The following POU6F2 variants were observed in gnomAD, a reference collection of about 807,000 sequenced individuals.
POU6F2 encodes POU class 6 homeobox 2, also known as POU domain, class 6, transcription factor 2.
In POU6F2, 31 loss-of-function variants were observed where a neutral mutation model predicts 71.3. That is an observed-to-expected ratio of 0.43 (90% CI 0.33 to 0.59). The LOEUF (loss-of-function observed/expected upper bound fraction) is 0.59, where lower values mean the gene tolerates loss of function less well. Among genes scored for constraint, POU6F2 ranks in the 20% least tolerant of loss-of-function variants. POU6F2 has a pLI of 0.04. For missense variants in POU6F2, 783 were observed against 856.8 expected (o/e 0.91, Z 1.07); for synonymous variants, 347 against 355.7 (o/e 0.98, Z 0.27).
intron 2 of POU6F2, among the ~76,000 whole-genome samples, chr7:39,147,670 G>A (rs1259364625): frequency 6.6e-6 from 1 of 152,068 alleles, no homozygotes; most frequent in Non-Finnish European, 1.5e-5. Context: ...TCTTCACATG[G>A]CAACTTAGAG....
chr7:39,271,228 G>A (rs920628927), intron 4 of POU6F2, among the ~76,000 whole-genome samples: 1 of 152,158 alleles, frequency 6.6e-6, no homozygotes, highest in Non-Finnish European at 1.5e-5. Context: ...TCACATTTCG[G>A]TGTCCTTGGA....
chr7:39,020,416 G>A (rs1789657204), intron 1 of POU6F2, among the ~76,000 whole-genome samples: 1 of 152,090 alleles, frequency 6.6e-6, no homozygotes, highest in East Asian at 1.9e-4. Flanking sequence ...AGTTCATGCA[G>A]AAGTATTTAT....
intron 4 of POU6F2, among the ~76,000 whole-genome samples, chr7:39,250,869 T>TA (rs1218429748): frequency 3.3e-5 from 5 of 152,202 alleles, no homozygotes; most frequent in African/African-American, 9.7e-5. Flanking sequence ...TTCTTTTCAG[T>TA]AAAAAATCAC....
chr7:38,977,926 G>A lies in POU6F2; in HGVS notation c.-28G>A, dbSNP rs1788222694. 1 of 152,310 alleles carries A rather than the reference G, an allele frequency of 6.6e-6. No individual in the cohort carries two copies. The highest frequency in any genetic ancestry group is 1.5e-5 in the Non-Finnish European group (1 of 68,084). The allele number at this position is 152,310 out of a possible 1,614,324, so 9.4% of individuals were successfully genotyped here. ...TTTTTTTCCCCTTGCTTTTGGTGAT[G>A]GTTGTGAGTGCAGAAGTTGATTGAC... On this transcript the variant is annotated 5_prime_UTR_variant, in exon 1 of 10. An upstream start codon of the reference 5' UTR is lost. Transcript: ENST00000518318.
At chr7:39,015,868 T>A (rs1273464717) in intron 1 of POU6F2, among the ~76,000 whole-genome samples, 20 of 66,290 alleles carry the variant, frequency 3.0e-4, no homozygotes, top group African/African-American at 1.2e-3. Context: ...TATAATATAT[T>A]ATATATAGAT....
At chr7:38,980,894 C>T (rs888949269) in intron 1 of POU6F2, among the ~76,000 whole-genome samples, 34 of 152,124 alleles carry the variant, frequency 2.2e-4, no homozygotes, top group Admixed American at 1.7e-3. Context: ...CTGTTTCTGG[C>T]CATGATCCAG....
chr7:39,337,974 A>G (rs1785815373), intron 4 of POU6F2, among the ~76,000 whole-genome samples: 1 of 152,246 alleles, frequency 6.6e-6, no homozygotes, highest in Non-Finnish European at 1.5e-5. Flanking sequence ...TCTATCTGCC[A>G]ATATTCCCAG....
chr7:39,220,048 G>A (rs772888790), intron 4 of POU6F2, among the ~76,000 whole-genome samples: 3 of 152,210 alleles, frequency 2.0e-5, no homozygotes, highest in Non-Finnish European at 4.4e-5. Flanking sequence ...TGATTGATTT[G>A]TTTTGACAGC....
At position 38,985,797 on chromosome 7, in the gene POU6F2, C is replaced by G. The variant is rs576128206; in HGVS notation, c.105+7739C>G. Among the ~76,000 whole-genome samples, 166 of 152,162 alleles carry G rather than the reference C, an allele frequency of 1.1e-3. 4 individuals carry two copies. Among genetic ancestry groups the G allele is most frequent in the Non-Finnish European group, 4.9e-4 (33 of 67,982 alleles). ...TGCATTTCTTGGTGTATTTCTAGAA[C>G]TGCTAATACAAGAGGTGTTTGTAGT... On this transcript the variant is annotated intron_variant, in intron 1 of 9. Transcript: ENST00000518318.
At chr7:39,283,672 TG>T (rs981780235) in intron 4 of POU6F2, among the ~76,000 whole-genome samples, 9 of 152,366 alleles carry the variant, frequency 5.9e-5, no homozygotes, top group Admixed American at 2.0e-4. Context: ...CATCTGCTGA[TG>T]AACACTTGGG....
chr7:39,397,581 C>T (rs1344620463), intron 5 of POU6F2, among the ~76,000 whole-genome samples: 3 of 148,810 alleles, frequency 2.0e-5, no homozygotes, highest in Non-Finnish European at 4.4e-5. Context: ...CAACCTTCGC[C>T]TCCCGGGCTC....
chr7:39,171,648 T>A (rs1327962878), intron 2 of POU6F2, among the ~76,000 whole-genome samples: 1 of 152,210 alleles, frequency 6.6e-6, no homozygotes, highest in Non-Finnish European at 1.5e-5. Flanking sequence ...CCTGATAGAC[T>A]TGTGCAAGAA....
intron 2 of POU6F2, among the ~76,000 whole-genome samples, chr7:39,113,126 C>CA (rs1156893803): frequency 2.6e-5 from 4 of 152,012 alleles, no homozygotes; most frequent in African/African-American, 9.7e-5. Flanking sequence ...ATTTAAATTC[C>CA]AAAACTATGC....
chr7:39,262,263 C>T (rs1046136062), intron 4 of POU6F2, among the ~76,000 whole-genome samples: 14 of 152,282 alleles, frequency 9.2e-5, no homozygotes, highest in African/African-American at 3.1e-4. Context: ...TAACTGGCAA[C>T]TGTCAAACAT....
chr7:39,322,601 A>G (rs1785419946), intron 4 of POU6F2, among the ~76,000 whole-genome samples: 2 of 152,172 alleles, frequency 1.3e-5, no homozygotes, highest in South Asian at 4.1e-4. Flanking sequence ...TTTCATATAC[A>G]TATTTCCTAT....
At chr7:39,315,016 G>C (rs1401619973) in intron 4 of POU6F2, among the ~76,000 whole-genome samples, 2 of 152,142 alleles carry the variant, frequency 1.3e-5, no homozygotes, top group Non-Finnish European at 2.9e-5. Context: ...ACACTGCACT[G>C]TTACACGTAA....
intron 6 of POU6F2, 66 bp from the exon 7 acceptor site, chr7:39,433,011 T>G (rs778941086): frequency 1.2e-5 from 18 of 1,525,766 alleles, no homozygotes; most frequent in Non-Finnish European, 1.4e-5. Flanking sequence ...AGGCACTGCA[T>G]GGTCTTCAGT....
intron 1 of POU6F2, among the ~76,000 whole-genome samples, chr7:39,014,054 G>A (rs1789406589): frequency 6.6e-6 from 1 of 152,178 alleles, no homozygotes; most frequent in Admixed American, 6.5e-5. Flanking sequence ...ACTGGCTCAT[G>A]TGTGAAGCTT....
At chr7:39,083,439 A>T (rs991715779) in intron 1 of POU6F2, 4 of 152,292 alleles carry the variant, frequency 2.6e-5, no homozygotes, top group African/African-American at 9.6e-5. Context: ...TCTTGACATC[A>T]CATGACGAGT....
Sources: gnomAD v4.1 joint callset for allele counts (sites outside exome capture counted in the v4.1 genomes callset) on GRCh38, gnomAD v4.1.1 for gene constraint, MANE v1.5 for transcripts, NCBI Gene and HGNC (gene_info 2026-07-23, HGNC 2026-07-21) for gene names.